Variants in FDXACB1 observed in about 807,000 individuals in gnomAD.
FDXACB1 encodes ferredoxin-fold anticodon binding domain containing 1.
FDXACB1 carries 41 observed loss-of-function variants against 51.7 expected under a neutral mutation model. That is an observed-to-expected ratio of 0.79 (90% confidence interval 0.62 to 1.03). The LOEUF is 1.03. FDXACB1 is among the 50% of genes least tolerant of loss of function. The pLI is 0.00. For missense variants in FDXACB1, 697 were observed against 746.4 expected (o/e 0.93, Z 0.77); for synonymous variants, 273 against 278.6 (o/e 0.98, Z 0.20).
At position 111,874,939 on chromosome 11, in the gene FDXACB1, A is replaced by G. The variant is rs1271804693; in HGVS notation, c.1858T>C (p.Tyr620His). ...QFRKEIQQHLYVIPR is the reference protein window; with the variant it reads ...QFRKEIQQHLHVIPR ...TTACCAAACTACCGAGGTATAACAT[A>G]TAGGTGTTGTTGAATCTCCTTCCTA... The change falls in exon 5 of 5, where the codon TAT becomes CAT. Residue 620 changes from tyrosine to histidine, a missense_variant. By Grantham distance (83) the Tyr-to-His change is moderately conservative. This residue lies in a region of FDXACB1 where 538 missense variants were observed against 592.2 expected (regional missense o/e 0.91). Coordinates refer to ENST00000260257, the MANE Select transcript of FDXACB1 (RefSeq NM_138378.3). 6.2e-7 allele frequency: 1 copy of G among 1,613,836 alleles called. No homozygotes were observed. Among genetic ancestry groups the G allele is most frequent in the Admixed American group, 1.7e-5 (1 of 60,012 alleles).
chr11:111,876,222 GA>G, intron 4 of FDXACB1, 118 bp from the exon 5 acceptor site: 1 of 1,022,998 alleles, frequency 9.8e-7, no homozygotes, highest in Non-Finnish European at 1.4e-6. Context: ...AATTGATCTT[GA>G]AAGGAAACAA....
intron 3 of FDXACB1, 48 bp from the exon 4 acceptor site, chr11:111,876,687 A>G: frequency 6.3e-7 from 1 of 1,595,622 alleles, no homozygotes; most frequent in South Asian, 1.1e-5. Flanking sequence ...TAAAATAAGC[A>G]AGTATTTTTA....
Position 111,878,654 on chromosome 11 carries a change from G to A in FDXACB1, c.231C>T (p.His77=). The change falls in exon 2 of 5, where the codon CAC becomes CAT. Residue 77 remains histidine (H), a synonymous_variant. Transcript: ENST00000260257. ...CTQLADVFEL[H]EREFDQIYFI... ...AATAAATTTGATCAAATTCTCTCTC[G>A]TGCAGTTCAAAGACATCTGCCAGCT... 1 of 1,610,398 alleles carries A rather than the reference G, an allele frequency of 6.2e-7. No homozygotes were observed. The highest frequency in any genetic ancestry group is 8.5e-7 in the Non-Finnish European group (1 of 1,178,274).
chr11:111,878,964 G>C lies in FDXACB1; in HGVS notation c.169C>G (p.Arg57Gly), dbSNP rs1555162627. 1.9e-6 allele frequency: 3 copies of C among 1,591,266 alleles called. No individual in the cohort carries two copies. In the South Asian group the frequency reaches 3.4e-5, roughly 18 times the overall value. The change falls in exon 1 of 5, where the codon CGA becomes GGA. Residue 57 changes from arginine (R) to glycine (G), a missense_variant. By Grantham distance (125) the Arg-to-Gly change is moderately radical. Transcript: ENST00000260257. ...AWENLQCLRE[R>G]GIDVRFGVDC... ...CGCAGAGGGGCGGGCTCGCTACCTCGCTCGCGCAGGCACTGCAGATTCTCC... is the reference window on the plus strand; with the variant it reads ...CGCAGAGGGGCGGGCTCGCTACCTCCCTCGCGCAGGCACTGCAGATTCTCC...
chr11:111,877,077 C>G (rs1555162298), intron 2 of FDXACB1, 66 bp from the exon 3 acceptor site: 1 of 1,446,720 alleles, frequency 6.9e-7, no homozygotes, highest in Non-Finnish European at 9.4e-7. Context: ...CAGGAGTTGG[C>G]AACATACACA....
Position 111,875,932 on chromosome 11 carries a change from A to T in FDXACB1, c.865T>A (p.Phe289Ile), listed in dbSNP as rs1469546051. ...TTATCTTCATGGAGACTAATCCAAA[A>T]AGCAGCTGACAGAAAGTCACAATTC... The part of the protein sequence containing the change: ...FWNCDFLSAA[F>I]WISLHEDNSN... The change falls in exon 5 of 5, where the codon TTT becomes ATT. Residue 289 changes from phenylalanine to isoleucine, a missense_variant. Phe to Ile is a conservative substitution (Grantham distance 21). This residue lies in a region of FDXACB1 where 538 missense variants were observed against 592.2 expected (regional missense o/e 0.91). Coordinates refer to ENST00000260257, the MANE Select transcript of FDXACB1 (RefSeq NM_138378.3). The T allele has an allele frequency of 4.3e-6, 7 of 1,613,876 alleles. No individual in the cohort carries two copies. In the African/African-American group the frequency reaches 5.3e-5, roughly 12 times the overall value.
At chr11:111,878,873 C>A (rs1433260906) in intron 1 of FDXACB1, 88 bp downstream of exon 1, 4 of 1,532,296 alleles carry the variant, frequency 2.6e-6, no homozygotes, top group Non-Finnish European at 3.5e-6. Context: ...ACAATCTCCA[C>A]GTGGGTTACA....
Position 111,878,932 on chromosome 11 carries a change from G to T in FDXACB1, c.172+29C>A, listed in dbSNP as rs140441820. 1.7e-4 allele frequency: 266 copies of T among 1,582,022 alleles called. 6 individuals are homozygous for T. In the Middle Eastern group the frequency reaches 2.9e-3, roughly 17 times the overall value. ...CTTTGGGACGCGCCGGCCGCTGGGC[G>T]GGGTTTCGCAGAGGGGCGGGCTCGC... On this transcript the variant is annotated intron_variant, in intron 1 of 4. Transcript: ENST00000260257.
At position 111,875,510 on chromosome 11, in the gene FDXACB1, C is replaced by G. The variant is rs1204118195; in HGVS notation, c.1287G>C (p.Glu429Asp). ...TGACTAAACTGCTCAGCTTAGAGCT[C>G]TCCGGCAATGTCTGGGTCAGCAGGC... ...LDSLLTQTLPESSKLSSLVKF... is the reference protein window; with the variant it reads ...LDSLLTQTLPDSSKLSSLVKF... The change falls in exon 5 of 5, where the codon GAG becomes GAC. Residue 429 changes from glutamate (E) to aspartate (D), a missense_variant. Glu to Asp is a conservative substitution (Grantham distance 45, BLOSUM62 2). This residue lies in a region of FDXACB1 where 538 missense variants were observed against 592.2 expected (regional missense o/e 0.91). Transcript: ENST00000260257. 2 of 1,611,714 alleles carry G rather than the reference C, an allele frequency of 1.2e-6. No homozygotes were observed. Among genetic ancestry groups the G allele is most frequent in the Admixed American group, 3.4e-5 (2 of 59,564 alleles).
chr11:111,877,480 A>C (rs1402657067), intron 2 of FDXACB1, among the ~76,000 whole-genome samples: 7 of 149,316 alleles, frequency 4.7e-5, no homozygotes, highest in African/African-American at 1.7e-4. Context: ...CACTGTTTTC[A>C]GTTCACAATA....
chr11:111,878,492 G>A (rs1964869575), intron 2 of FDXACB1, 64 bp downstream of exon 2: 1 of 1,479,532 alleles, frequency 6.8e-7, no homozygotes, highest in African/African-American at 1.4e-5. Context: ...CCTTATGTTT[G>A]GGTACAGTAA....
intron 4 of FDXACB1, among the ~76,000 whole-genome samples, 162 bp downstream of exon 4, chr11:111,876,319 C>T (rs1305986688): frequency 1.3e-5 from 2 of 152,114 alleles, no homozygotes; most frequent in Non-Finnish European, 2.9e-5. Flanking sequence ...AAAATGTGAC[C>T]ATTTATAATT....
Position 111,874,809 on chromosome 11 carries a change from G to A in FDXACB1, c.*113C>T. 1.4e-6 allele frequency: 1 copy of A among 735,898 alleles called. No individual in the cohort carries two copies. The highest frequency in any genetic ancestry group is 2.1e-6 in the Non-Finnish European group (1 of 468,332). 45.6% of individuals were successfully genotyped at this position (735,898 alleles called of 1,614,324 possible). On this transcript the variant is annotated 3_prime_UTR_variant, in exon 5 of 5. Coordinates refer to ENST00000260257, the MANE Select transcript of FDXACB1 (RefSeq NM_138378.3). The stretch of plus-strand genomic sequence containing the variant: ...AACGAACAGTAGCTATGGTCACAAA[G>A]TAAAAGATTTTACAAAAACAAAAAT...
chr11:111,878,911 G>T, intron 1 of FDXACB1, 50 bp downstream of exon 1: 2 of 1,560,160 alleles, frequency 1.3e-6, no homozygotes, highest in East Asian at 2.4e-5. Flanking sequence ...TTTCCACTTT[G>T]GGACGCGCCG....
Position 111,875,046 on chromosome 11 carries a change from A to G in FDXACB1, c.1751T>C (p.Val584Ala). Residue 584 changes from valine to alanine, a missense_variant, in exon 5 of 5, where the codon GTC (valine) becomes GCC (alanine). By Grantham distance (64) the Val-to-Ala change is moderately conservative. Around this residue, in one of 3 missense-constraint regions of FDXACB1, gnomAD observed 538 missense variants for 592.2 expected, o/e 0.91. Coordinates refer to ENST00000260257, the MANE Select transcript of FDXACB1 (RefSeq NM_138378.3). ...GTAGGTCAATCTATAGCAGAGACTG[A>G]CCTGTTGAGTCTTTGGATGCTGGAA... ...SRFQHPKTQQ[V>A]SLCYRLTYQT... is the part of the protein sequence containing the mutation. 2 of 1,613,986 alleles carry G rather than the reference A, an allele frequency of 1.2e-6. No homozygotes were observed. Among genetic ancestry groups the G allele is most frequent in the Non-Finnish European group, 1.7e-6 (2 of 1,179,870 alleles).
At chr11:111,876,184 A>C in intron 4 of FDXACB1, 80 bp from the exon 5 acceptor site, 1 of 1,166,182 alleles carries the variant, frequency 8.6e-7, no homozygotes, top group Non-Finnish European at 1.2e-6. Context: ...AAAAATACAA[A>C]TAGCTGGACA....
chr11:111,876,702 C>A, intron 3 of FDXACB1, 63 bp from the exon 4 acceptor site: 1 of 1,591,266 alleles, frequency 6.3e-7, no homozygotes. Context: ...TTTTTAGAGA[C>A]CGAATCAATT....
Position 111,876,973 on chromosome 11 carries a change from A to G in FDXACB1, c.368T>C (p.Val123Ala). Residue 123 changes from valine (V) to alanine (A), a missense_variant, in exon 3 of 5, where the codon GTG becomes GCG. Val to Ala is a moderately conservative substitution (Grantham distance 64). Transcript: ENST00000260257. ...DVLAEEGEVH[V>A]ALCRGQGGTP... ...TCCACCTTGTCCTCTACATAATGCC[A>G]CGTGGACTTCTCCTTCCTCTGCAAG... 6.2e-7 allele frequency: 1 copy of G among 1,600,398 alleles called. No homozygotes were observed. Among genetic ancestry groups the G allele is most frequent in the Non-Finnish European group, 8.5e-7 (1 of 1,172,816 alleles).
chr11:111,879,115 G>C lies in FDXACB1; in HGVS notation c.18C>G (p.Leu6=), dbSNP rs1555162699. ...AGAAATTCCCCTCCCCAACCAACAG[G>C]AGGCGCCGAGGGGCCATGGCCTCCA... is the stretch of plus-strand genomic sequence containing the variant. The part of the protein sequence containing the change: MAPRR[L]LLVGEGNFSF... Residue 6 remains leucine, a synonymous_variant, in exon 1 of 5, where the codon CTC becomes CTG. Coordinates refer to ENST00000260257, the MANE Select transcript of FDXACB1 (RefSeq NM_138378.3). The C allele has an allele frequency of 6.2e-7, 1 of 1,612,408 alleles. No homozygotes were observed. The highest frequency in any genetic ancestry group is 8.5e-7 in the Non-Finnish European group (1 of 1,179,012).
Sources: gnomAD v4.1 joint callset for allele counts (sites outside exome capture counted in the v4.1 genomes callset) on GRCh38, gnomAD v4.1.1 for gene constraint, gnomAD v4.1.1 regional missense constraint, MANE v1.5 for transcripts, NCBI Gene and HGNC (gene_info 2026-07-23, HGNC 2026-07-21) for gene names.